Variants in GSE1 observed in about 807,000 individuals in gnomAD.
GSE1 encodes genetic suppressor element 1.
Under a neutral mutation model 112.6 loss-of-function variants are expected in GSE1, and 32 were observed. The ratio of observed to expected loss-of-function variants is 0.28; its 90% CI spans 0.21 to 0.38. GSE1 has a LOEUF of 0.38. Among genes scored for constraint, GSE1 ranks in the 10% least tolerant of loss-of-function variants. GSE1 has a pLI of 1.00. For missense variants in GSE1, 2,348 were observed against 1,699.2 expected (o/e 1.38, Z -6.71); for synonymous variants, 1,115 against 735.6 (o/e 1.52, Z -8.35).
At chr16:85,556,758 C>CCT (rs2045240487) in intron 1 of GSE1, among the ~76,000 whole-genome samples, 1 of 144,970 alleles carries the variant, frequency 6.9e-6, no homozygotes, top group African/African-American at 2.5e-5. Context: ...TGCCCCCCCC[C>CCT]CCCCCAGTCC....
At chr16:85,387,212 C>T (rs906085006) in intron 2 of GSE1, among the ~76,000 whole-genome samples, 1 of 152,156 alleles carries the variant, frequency 6.6e-6, no homozygotes, top group African/African-American at 2.4e-5. Context: ...TGGTGGGAGC[C>T]CCCTGCACCC....
chr16:85,305,923 C>A (rs182447277), intron 1 of GSE1, among the ~76,000 whole-genome samples: 1 of 152,076 alleles, frequency 6.6e-6, no homozygotes, highest in Non-Finnish European at 1.5e-5. Context: ...AACACCGTCT[C>A]TACTAAAAAT....
At chr16:85,667,275 C>T (rs1402792974) in intron 13 of GSE1, among the ~76,000 whole-genome samples, 1 of 151,838 alleles carries the variant, frequency 6.6e-6, no homozygotes, top group African/African-American at 2.4e-5. Context: ...ACTGTTTCCT[C>T]TAGATTTTAG....
At chr16:85,245,773 T>C (rs370881739) in intron 1 of GSE1, among the ~76,000 whole-genome samples, 1 of 151,416 alleles carries the variant, frequency 6.6e-6, no homozygotes. Flanking sequence ...GCCTGGGGGG[T>C]GCCTTGTCCA....
At chr16:85,236,604 C>G (rs1904693191) in intron 1 of GSE1, among the ~76,000 whole-genome samples, 1 of 152,128 alleles carries the variant, frequency 6.6e-6, no homozygotes, top group Admixed American at 6.5e-5. Context: ...GTTGGGCCAG[C>G]TTGAAGGCTG....
chr16:85,665,157 C>G (rs1377674854), intron 12 of GSE1, 29 bp downstream of exon 12: 16 of 1,338,072 alleles, frequency 1.2e-5, no homozygotes, highest in Non-Finnish European at 1.6e-5. Flanking sequence ...CACCTGCCAC[C>G]ACCCAGGACC....
chr16:85,233,271 A>T (rs968046847), intron 1 of GSE1, among the ~76,000 whole-genome samples: 82 of 152,222 alleles, frequency 5.4e-4, no homozygotes, highest in African/African-American at 2.0e-3. Flanking sequence ...CGTCTTCTTA[A>T]TCAAATCACT....
At chr16:85,360,432 C>T (rs1256035391) in intron 2 of GSE1, among the ~76,000 whole-genome samples, 1 of 152,190 alleles carries the variant, frequency 6.6e-6, no homozygotes, top group Admixed American at 6.5e-5. Context: ...CCCTGTCAGG[C>T]TGCAGCCAAG....
Position 85,429,256 on chromosome 16 carries a change from C to T in GSE1, c.2464+71613C>T, listed in dbSNP as rs76116079. Among the ~76,000 whole-genome samples, 567 of 152,352 alleles carry T rather than the reference C, an allele frequency of 3.7e-3. 5 individuals are homozygous for T. Among genetic ancestry groups the T allele is most frequent in the African/African-American group, 0.013 (543 of 41,586 alleles). On this transcript the variant is annotated intron_variant, in intron 2 of 2. Transcript: ENST00000637419. ...GCACCCCCCAGGATGCCCGGCAATG[C>T]CAGGTGCCACGGTCACATTCTGTGT...
At chr16:85,470,707 C>T (rs2050267442) in intron 2 of GSE1, among the ~76,000 whole-genome samples, 1 of 152,182 alleles carries the variant, frequency 6.6e-6, no homozygotes, top group Admixed American at 6.5e-5. Flanking sequence ...TTGCAGCCAT[C>T]GGGCTGCCCA....
chr16:85,274,584 C>T (rs996497798), intron 1 of GSE1, among the ~76,000 whole-genome samples: 6 of 152,188 alleles, frequency 3.9e-5, no homozygotes, highest in East Asian at 3.9e-4. Flanking sequence ...GGGCAGCCGT[C>T]GAGGCCTCTG....
chr16:85,619,383 A>G (rs1384323735), intron 1 of GSE1, among the ~76,000 whole-genome samples: 2 of 145,836 alleles, frequency 1.4e-5, no homozygotes, highest in Admixed American at 1.4e-4. Flanking sequence ...GAAAATCTAT[A>G]TGTCAAGCTG....
intron 8 of GSE1, among the ~76,000 whole-genome samples, chr16:85,657,850 G>A (rs1018069354): frequency 2.6e-5 from 4 of 152,200 alleles, no homozygotes; most frequent in African/African-American, 9.7e-5. Context: ...AGTCCATGTT[G>A]AGAGCCAGGG....
intron 1 of GSE1, among the ~76,000 whole-genome samples, chr16:85,303,421 G>T (rs1199102749): frequency 6.6e-6 from 1 of 152,182 alleles, no homozygotes; most frequent in East Asian, 1.9e-4. Context: ...TGACGGTGCC[G>T]CGCATCCCCT....
At chr16:85,556,624 T>C (rs1288742370) in intron 1 of GSE1, among the ~76,000 whole-genome samples, 3 of 150,408 alleles carry the variant, frequency 2.0e-5, no homozygotes, top group Non-Finnish European at 4.5e-5. Context: ...TCGCTCCTTT[T>C]GTCTGCCGGG....
At chr16:85,636,940 G>T (rs527849636) in intron 2 of GSE1, among the ~76,000 whole-genome samples, 2 of 152,068 alleles carry the variant, frequency 1.3e-5, no homozygotes, top group South Asian at 4.2e-4. Flanking sequence ...CCAGCTCCCT[G>T]GTGCTACCTC....
intron 14 of GSE1, 38 bp downstream of exon 14, chr16:85,668,462 GA>G (rs759953466): frequency 6.5e-6 from 9 of 1,377,218 alleles, no homozygotes. Context: ...AGGGGGTCAG[GA>G]AAGTACCTTT....
intron 2 of GSE1, among the ~76,000 whole-genome samples, chr16:85,494,939 G>A (rs772386657): frequency 6.2e-5 from 9 of 145,924 alleles, no homozygotes; most frequent in Non-Finnish European, 9.0e-5. Flanking sequence ...TTTCTGCATC[G>A]GACTCCTGCT....
chr16:85,248,521 CCTCTCT>C (rs60595401), intron 1 of GSE1, among the ~76,000 whole-genome samples: 2 of 149,140 alleles, frequency 1.3e-5, no homozygotes, highest in African/African-American at 2.5e-5. Context: ...TCCCTCTTTG[CCTCTCT>C]CTCTCTCTCT....
Sources: gnomAD v4.1 joint callset for allele counts (sites outside exome capture counted in the v4.1 genomes callset) on GRCh38, gnomAD v4.1.1 for gene constraint, MANE v1.5 for transcripts, NCBI Gene and HGNC (gene_info 2026-07-23, HGNC 2026-07-21) for gene names.